Variants in CRMP1 observed in about 807,000 individuals in gnomAD.
The protein encoded by CRMP1 is collapsin response mediator protein 1, also known as dihydropyrimidinase-related protein 1.
In CRMP1, 19 loss-of-function variants were observed where a neutral mutation model predicts 68.3. The ratio of observed to expected loss-of-function variants is 0.28; its 90% CI spans 0.19 to 0.41. CRMP1 has a LOEUF of 0.41. Ranked by LOEUF, CRMP1 falls within the 10% of genes least tolerant of loss-of-function variation. CRMP1 has a pLI of 1.00. For synonymous variants in CRMP1, 439 were observed against 399.6 expected, an observed-to-expected ratio of 1.10 and a Z score of -1.18; for missense variants, 791 against 967.4, an observed-to-expected ratio of 0.82 and a Z score of 2.42.
In CRMP1 at chr4:5,888,402, C is replaced by T; in HGVS notation, c.381+4187G>A. 1 of 1,219,904 alleles carries T rather than the reference C, an allele frequency of 8.2e-7. No homozygotes were observed. Among genetic ancestry groups the T allele is most frequent in the Non-Finnish European group, 1.0e-6 (1 of 979,934 alleles). The allele number at this position is 1,219,904 out of a possible 1,614,324, so 75.6% of individuals were successfully genotyped here. A position where few individuals can be genotyped will look rare whatever the true frequency, so the allele number is the denominator to read the frequency against. On this transcript the variant is annotated intron_variant, in intron 1 of 13. Transcript: ENST00000324989. This position sits in a 1 kb window ranked among gnomAD's most constrained non-coding sequence, Gnocchi z 6.4. ...TAGAGACACGGACGGAGGCTCGGCG[C>T]CCGTGGATGCCCACGCGCGGCTGCC...
chr4:5,837,024 TG>T (rs1720771487), intron 9 of CRMP1, 118 bp from the exon 10 acceptor site: 1 of 1,193,774 alleles, frequency 8.4e-7, no homozygotes, highest in Non-Finnish European at 1.2e-6. Context: ...AGGAAGCCAG[TG>T]GGTAAGAGAG....
At chr4:5,831,973 T>TA (rs1720411388) in intron 11 of CRMP1, among the ~76,000 whole-genome samples, 1 of 152,148 alleles carries the variant, frequency 6.6e-6, no homozygotes, top group Non-Finnish European at 1.5e-5. Flanking sequence ...GGTCCATCCC[T>TA]ACAAGGGGGT....
intron 11 of CRMP1, among the ~76,000 whole-genome samples, chr4:5,832,721 C>T (rs1720462055): frequency 1.3e-5 from 2 of 152,162 alleles, no homozygotes; most frequent in Non-Finnish European, 2.9e-5. Context: ...TTGCCTCACA[C>T]AGAGAGGGGA....
chr4:5,837,042 T>G, intron 9 of CRMP1, 136 bp from the exon 10 acceptor site: 7 of 980,892 alleles, frequency 7.1e-6, no homozygotes, highest in African/African-American at 3.3e-5. Context: ...AGAGACTCTC[T>G]AGCGTGTGCC....
Position 5,855,413 on chromosome 4 carries a change from C to T in CRMP1, c.820+730G>A, listed in dbSNP as rs753218148. On this transcript the variant is annotated intron_variant, in intron 4 of 13. Coordinates refer to ENST00000324989, the MANE Select transcript of CRMP1 (RefSeq NM_001014809.3). The surrounding 1 kb of genome is among the most constrained non-coding windows in gnomAD (Gnocchi z 4.9). ...CCCCTTTCTGGACAGATCGCTCATG[C>T]CCTGTCTCTTTCCATTCTGCTGTTC... Among the ~76,000 whole-genome samples, 2 of 152,220 alleles carry T rather than the reference C, an allele frequency of 1.3e-5. No individual in the cohort carries two copies. The highest frequency in any genetic ancestry group is 2.9e-5 in the Non-Finnish European group (2 of 68,048).
chr4:5,878,230 C>T (rs989016676), intron 1 of CRMP1, among the ~76,000 whole-genome samples: 2 of 151,872 alleles, frequency 1.3e-5, no homozygotes, highest in South Asian at 4.2e-4. Flanking sequence ...ACAGAGACCA[C>T]CCCACTGCCT....
At position 5,865,413 on chromosome 4, in the gene CRMP1, A is replaced by G. The variant is rs1264629142; in HGVS notation, c.470+1255T>C. Among the ~76,000 whole-genome samples the G allele has an allele frequency of 6.6e-6, 1 of 152,056 alleles. No homozygotes were observed. The highest frequency in any genetic ancestry group is 6.6e-5 in the Admixed American group (1 of 15,246). On this transcript the variant is annotated intron_variant, in intron 2 of 13. Transcript: ENST00000324989. The surrounding 1 kb of genome is among the most constrained non-coding windows in gnomAD (Gnocchi z 4.1). ...GAGGCGAGCGGATCACGAGGTCAGG[A>G]GATCGAGACCATCCTGGCCAACATG...
rs1359367023 is a variant in CRMP1, at chr4:5,891,124, C to G, written c.381+1465G>C. ...ACAGAAGGGGTGGGGGAAGAGGAAGCTGGACTCTCGCACCATCTCCCTTTC... is the reference window on the plus strand; with the variant it reads ...ACAGAAGGGGTGGGGGAAGAGGAAGGTGGACTCTCGCACCATCTCCCTTTC... On this transcript the variant is annotated intron_variant, in intron 1 of 13. Transcript: ENST00000324989. This position sits in a 1 kb window ranked among gnomAD's most constrained non-coding sequence, Gnocchi z 5.2. Among the ~76,000 whole-genome samples, 1 of 150,594 alleles carries G rather than the reference C, an allele frequency of 6.6e-6. No individual in the cohort carries two copies. The highest frequency in any genetic ancestry group is 2.4e-5 in the African/African-American group (1 of 41,002).
intron 5 of CRMP1, 114 bp downstream of exon 5, chr4:5,851,294 G>C (rs1446486150): frequency 2.2e-6 from 2 of 922,772 alleles, no homozygotes; most frequent in African/African-American, 3.3e-5. Flanking sequence ...GCCAGAACCA[G>C]GACTCGAATC....
Position 5,883,121 on chromosome 4 carries a change from G to A in CRMP1, c.381+9468C>T, listed in dbSNP as rs1445689537. On this transcript the variant is annotated intron_variant, in intron 1 of 13. Transcript: ENST00000324989. This position sits in a 1 kb window ranked among gnomAD's most constrained non-coding sequence, Gnocchi z 4.5. ...CAATCAAGTCCCTCAACACCTGGCT[G>A]ATGTCATCCTCCAAACCCCAAGAAG... 6.6e-6 allele frequency among the ~76,000 whole-genome samples: 1 copy of A among 152,004 alleles called. No homozygotes were observed. Among genetic ancestry groups the A allele is most frequent in the African/African-American group, 2.4e-5 (1 of 41,374 alleles).
chr4:5,829,396 A>G (rs1002244866), intron 11 of CRMP1, among the ~76,000 whole-genome samples: 1 of 152,116 alleles, frequency 6.6e-6, no homozygotes, highest in Admixed American at 6.5e-5. Context: ...CTCCAGAAAA[A>G]AACAAAACAA....
chr4:5,825,344 C>A lies in CRMP1; in HGVS notation c.1969+150G>T. 1 of 1,407,256 alleles carries A rather than the reference C, an allele frequency of 7.1e-7. No individual in the cohort carries two copies. The highest frequency in any genetic ancestry group is 9.2e-7 in the Non-Finnish European group (1 of 1,088,770). The allele number at this position is 1,407,256 out of a possible 1,614,324, so 87.2% of individuals were successfully genotyped here. ...ACCATGCCAGCCCACTCTGCCCCAC[C>A]AGTGAGAGCAGGCTCGGGTGGGGCA... On this transcript the variant is annotated intron_variant, in intron 13 of 13. Coordinates refer to ENST00000324989, the MANE Select transcript of CRMP1 (RefSeq NM_001014809.3). This position sits in a 1 kb window ranked among gnomAD's most constrained non-coding sequence, Gnocchi z 4.4.
Position 5,888,589 on chromosome 4 carries a change from G to C in CRMP1, c.381+4000C>G. 2 of 1,069,962 alleles carry C rather than the reference G, an allele frequency of 1.9e-6. No individual in the cohort carries two copies. Among genetic ancestry groups the C allele is most frequent in the Non-Finnish European group, 2.3e-6 (2 of 885,162 alleles). 66.3% of individuals were successfully genotyped at this position (1,069,962 alleles called of 1,614,324 possible). On this transcript the variant is annotated intron_variant, in intron 1 of 13. Coordinates refer to ENST00000324989, the MANE Select transcript of CRMP1 (RefSeq NM_001014809.3). This position sits in a 1 kb window ranked among gnomAD's most constrained non-coding sequence, Gnocchi z 6.4. Reference sequence around the variant, plus strand: ...AAGCCGGATTCGCCCCTCTCGGCTCGAACCAGGAAGCGCTTCCCTTCCGAT... The same window carrying C: ...AAGCCGGATTCGCCCCTCTCGGCTCCAACCAGGAAGCGCTTCCCTTCCGAT...
Position 5,854,937 on chromosome 4 carries a change from A to G in CRMP1, c.820+1206T>C, listed in dbSNP as rs560570793. On this transcript the variant is annotated intron_variant, in intron 4 of 13. Coordinates refer to ENST00000324989, the MANE Select transcript of CRMP1 (RefSeq NM_001014809.3). This position sits in a 1 kb window ranked among gnomAD's most constrained non-coding sequence, Gnocchi z 4.0. ...AAATGCAAACAAATGTTTATATACA[A>G]AGATGTTCACCGTAACAGGATTTAT... is the stretch of plus-strand genomic sequence containing the variant. Among the ~76,000 whole-genome samples the G allele has an allele frequency of 4.6e-5, 7 of 152,376 alleles. No individual in the cohort carries two copies. The highest frequency in any genetic ancestry group is 1.7e-4 in the African/African-American group (7 of 41,586).
At chr4:5,876,287 T>C (rs576950986) in intron 1 of CRMP1, among the ~76,000 whole-genome samples, 49 of 152,290 alleles carry the variant, frequency 3.2e-4, no homozygotes, top group African/African-American at 1.1e-3. Flanking sequence ...CTTACACTAC[T>C]TCCAATACTT....
rs200631016 is a variant in CRMP1 at position 5,843,072 on chromosome 4, C to A, written c.1032+21G>T. On this transcript the variant is annotated intron_variant, in intron 7 of 13. Transcript: ENST00000324989. This position sits in a 1 kb window ranked among gnomAD's most constrained non-coding sequence, Gnocchi z 4.1. The stretch of plus-strand genomic sequence containing the variant: ...CTCAGTGGTGAGTGTCAGAGTCATG[C>A]CCAAGTTGAGGAGTCCTTACCTCTT... The A allele has an allele frequency of 1.5e-3, 2,470 of 1,612,740 alleles. 16 individuals are homozygous for A. Among genetic ancestry groups the A allele is most frequent in the Non-Finnish European group, 1.0e-3 (1,186 of 1,179,146 alleles).
chr4:5,888,022 C>A lies in CRMP1; in HGVS notation c.381+4567G>T, dbSNP rs1361044471. ...AGGGACTCCCGGCTCCAGCCCCGCC[C>A]CGCCATGCGGGGCTCCCCCACCCCC... is the stretch of plus-strand genomic sequence containing the variant. On this transcript the variant is annotated intron_variant, in intron 1 of 13. Coordinates refer to ENST00000324989, the MANE Select transcript of CRMP1 (RefSeq NM_001014809.3). This position sits in a 1 kb window ranked among gnomAD's most constrained non-coding sequence, Gnocchi z 6.4. Among the ~76,000 whole-genome samples the A allele has an allele frequency of 6.6e-6, 1 of 151,976 alleles. No individual in the cohort carries two copies. The highest frequency in any genetic ancestry group is 2.4e-5 in the African/African-American group (1 of 41,432).
rs1715926769 is a variant in CRMP1, at chr4:5,891,175, T to TACACACACACACATACACAC, written c.381+1413_381+1414insGTGTGTATGTGTGTGTGTGT. 7.6e-6 allele frequency among the ~76,000 whole-genome samples: 1 copy of TACACACACACACATACACAC among 131,964 alleles called. No individual in the cohort carries two copies. The highest frequency in any genetic ancestry group is 1.6e-5 in the Non-Finnish European group (1 of 62,782). The allele number at this position is 131,964 out of a possible 152,430, so 86.6% of individuals were successfully genotyped here. On this transcript the variant is annotated intron_variant, in intron 1 of 13. Transcript: ENST00000324989. This position sits in a 1 kb window ranked among gnomAD's most constrained non-coding sequence, Gnocchi z 5.2. Reference sequence around the variant, plus strand: ...TGATCACCCCACCACCACACACACATACACACACACACACACACACACACA... The same window carrying TACACACACACACATACACAC: ...TGATCACCCCACCACCACACACACATACACACACACACATACACACACACACACACACACACACACACACA...
At chr4:5,882,382 C>A (rs569616051) in intron 1 of CRMP1, among the ~76,000 whole-genome samples, 2 of 152,316 alleles carry the variant, frequency 1.3e-5, no homozygotes, top group South Asian at 2.1e-4. Context: ...CAACCCACAG[C>A]CCTCATGTAG....
Sources: allele counts gnomAD v4.1 joint callset (sites outside exome capture counted in the v4.1 genomes callset), GRCh38; gene constraint gnomAD v4.1.1; non-coding constraint Gnocchi (gnomAD v3.1); transcripts MANE v1.5; gene names NCBI Gene and HGNC (gene_info 2026-07-23, HGNC 2026-07-21).